Variants in LRP4 observed in about 807,000 individuals in gnomAD.
LRP4 encodes the protein low-density lipoprotein receptor-related protein 4.
LRP4 carries 95 observed loss-of-function variants against 220.3 expected under a neutral mutation model. The ratio of observed to expected loss-of-function variants is 0.43; its 90% CI spans 0.37 to 0.51. The LOEUF (loss-of-function observed/expected upper bound fraction) is 0.51. LRP4 is among the 20% of genes least tolerant of loss of function. The pLI is 0.00. For synonymous variants in LRP4, 903 were observed against 954.6 expected, an observed-to-expected ratio of 0.95 and a Z score of 1.00; for missense variants, 1,925 against 2,567.0, an observed-to-expected ratio of 0.75 and a Z score of 5.40.
At chr11:46,905,998 A>G (rs1453891059) in intron 1 of LRP4, among the ~76,000 whole-genome samples, 2 of 152,182 alleles carry the variant, frequency 1.3e-5, no homozygotes, top group African/African-American at 4.8e-5. Flanking sequence ...TCAGGATGAA[A>G]GCTGTGGAAA....
At chr11:46,892,910 AGGTAGCCT>A (rs1209911427) in intron 13 of LRP4, 55 bp downstream of exon 13, 2 of 1,583,286 alleles carry the variant, frequency 1.3e-6, no homozygotes, top group African/African-American at 1.3e-5. Flanking sequence ...TGTCTAGTCC[AGGTAGCCT>A]GGGAGCTGTC....
intron 7 of LRP4, among the ~76,000 whole-genome samples, chr11:46,897,334 C>CTTTTTTTTTTTTTTCTTTTTTTTTT (rs60604776): frequency 1.6e-5 from 2 of 128,104 alleles, no homozygotes; most frequent in Middle Eastern, 4.1e-3. Flanking sequence ...GCCTGTTTGT[C>CTTTTTTTTTTTTTTCTTTTTTTTTT]TTTTTTTTTT....
chr11:46,899,091 G>C lies in LRP4; in HGVS notation c.548-59C>G, dbSNP rs987344817. The C allele has an allele frequency of 2.3e-5, 35 of 1,523,644 alleles. No homozygotes were observed. Among genetic ancestry groups the C allele is most frequent in the Non-Finnish European group, 3.1e-5 (35 of 1,111,256 alleles). 94.4% of individuals were successfully genotyped at this position (1,523,644 alleles called of 1,614,324 possible). ...ACTCAGGCCTGGATGAAGGAGAGGG[G>C]CCCTGATTCCTCAAGCAGGCAGGAT... On this transcript the variant is annotated intron_variant, in intron 5 of 37. Coordinates refer to ENST00000378623, the MANE Select transcript of LRP4 (RefSeq NM_002334.4). The surrounding 1 kb of genome is among the most constrained non-coding windows in gnomAD (Gnocchi z 5.9).
At chr11:46,879,503 C>T (rs1352764301) in intron 20 of LRP4, among the ~76,000 whole-genome samples, 188 bp from the exon 21 acceptor site, 1 of 152,232 alleles carries the variant, frequency 6.6e-6, no homozygotes, top group African/African-American at 2.4e-5. Context: ...ATGCCTGGCT[C>T]TAAGGGTCGT....
In LRP4 at chr11:46,890,641, T is replaced by G. The variant is rs954840047; in HGVS notation, c.1698-147A>C. 2 of 656,382 alleles carry G rather than the reference T, an allele frequency of 3.0e-6. No individual in the cohort carries two copies. The highest frequency in any genetic ancestry group is 2.7e-6 in the Non-Finnish European group (1 of 368,118). The allele number at this position is 656,382 out of a possible 1,614,324, so 40.7% of individuals were successfully genotyped here. The stretch of plus-strand genomic sequence containing the variant: ...ATGAATTTTTTTTTTAGACGGGGTC[T>G]CATTTTGTCACCCAGGCTGGAGGGC... On this transcript the variant is annotated intron_variant, in intron 13 of 37. Transcript: ENST00000378623. The surrounding 1 kb of genome is among the most constrained non-coding windows in gnomAD (Gnocchi z 5.3).
At chr11:46,897,549 C>T (rs1462759611) in intron 7 of LRP4, among the ~76,000 whole-genome samples, 1 of 149,582 alleles carries the variant, frequency 6.7e-6, no homozygotes, top group Non-Finnish European at 1.5e-5. Flanking sequence ...TCCCTGGGTA[C>T]TTGAGATTAG....
At chr11:46,893,198 G>C in intron 12 of LRP4, 69 bp from the exon 13 acceptor site, 2 of 1,582,066 alleles carry the variant, frequency 1.3e-6, no homozygotes, top group South Asian at 2.2e-5. Flanking sequence ...AGTAATAGGA[G>C]CAAACTCTTA....
rs1355760049 is a variant in LRP4 at position 46,858,707 on chromosome 11, G to A, written c.*276C>T. ...GAGCTCTACGCTGGTGAGGAATCAC[G>A]AATAAGCAGTTTCAGGGGGCCCAGG... On this transcript the variant is annotated 3_prime_UTR_variant, in exon 38 of 38. Transcript: ENST00000378623. 37 of 480,392 alleles carry A rather than the reference G, an allele frequency of 7.7e-5. No individual in the cohort carries two copies. The highest frequency in any genetic ancestry group is 5.8e-4 in the South Asian group (29 of 49,678). The allele number at this position is 480,392 out of a possible 1,614,324, so 29.8% of individuals were successfully genotyped here. A position where few individuals can be genotyped will look rare whatever the true frequency, so the allele number is the denominator to read the frequency against.
chr11:46,897,348 CTTTTTATTTTTTT>C (rs1332699768), intron 7 of LRP4, among the ~76,000 whole-genome samples: 5 of 95,640 alleles, frequency 5.2e-5, no homozygotes, highest in African/African-American at 1.7e-4. Context: ...TTTTTTTTTT[CTTTTTATTTTTTT>C]ATTTTTATTT....
In LRP4 at chr11:46,886,149, C is replaced by T; in HGVS notation, c.2448G>A (p.Glu816=). The T allele has an allele frequency of 6.2e-7, 1 of 1,614,126 alleles. No homozygotes were observed. Among genetic ancestry groups the T allele is most frequent in the East Asian group, 2.2e-5 (1 of 44,888 alleles). The stretch of plus-strand genomic sequence containing the variant: ...AATCAATGGCCAGGCCAGCTGGGCT[C>T]TCCAAACTGGTATCCACTACCACCT... ...GQEVVVDTSL[E]SPAGLAIDWV... is the part of the protein sequence containing the mutation. The change falls in exon 18 of 38, where the codon GAG becomes GAA. Residue 816 remains glutamate (E), a synonymous_variant. Transcript: ENST00000378623.
At chr11:46,888,975 C>A (rs773173626) in intron 16 of LRP4, among the ~76,000 whole-genome samples, 1 of 152,208 alleles carries the variant, frequency 6.6e-6, no homozygotes, top group Non-Finnish European at 1.5e-5. Context: ...ACATATTTAT[C>A]CAGGACCCGC....
In LRP4 at chr11:46,890,098, G is replaced by A; in HGVS notation, c.1938C>T (p.Ile646=). 1 of 1,614,182 alleles carries A rather than the reference G, an allele frequency of 6.2e-7. No homozygotes were observed. The highest frequency in any genetic ancestry group is 8.5e-7 in the Non-Finnish European group (1 of 1,180,048). ...ISQGLPHPFA[I]TVFEDSLYWT... is the part of the protein sequence containing the mutation. The stretch of plus-strand genomic sequence containing the variant: ...AGTACAGGCTGTCTTCAAACACTGT[G>A]ATGGCGAAGGGATGCGGGAGGCCTG... The change falls in exon 15 of 38, where the codon ATC becomes ATT. Residue 646 remains isoleucine, a synonymous_variant. Transcript: ENST00000378623. The surrounding 1 kb of genome is among the most constrained non-coding windows in gnomAD (Gnocchi z 5.3).
Position 46,858,814 on chromosome 11 carries a change from T to C in LRP4, c.*169A>G. Reference sequence around the variant, plus strand: ...GCCATCATTTCTTGTGCACAGGTAGTTATGGACTCACGTGGTAAACAGCTC... The same window carrying C: ...GCCATCATTTCTTGTGCACAGGTAGCTATGGACTCACGTGGTAAACAGCTC... On this transcript the variant is annotated 3_prime_UTR_variant, in exon 38 of 38. Transcript: ENST00000378623. The C allele has an allele frequency of 1.4e-6, 1 of 692,654 alleles. No homozygotes were observed. The highest frequency in any genetic ancestry group is 2.6e-6 in the Non-Finnish European group (1 of 382,760). 42.9% of individuals were successfully genotyped at this position (692,654 alleles called of 1,614,324 possible). A position where few individuals can be genotyped will look rare whatever the true frequency, so the allele number is the denominator to read the frequency against.
rs775114362 is a variant in LRP4, at chr11:46,878,951, G to A, written c.3092C>T (p.Pro1031Leu). The change falls in exon 22 of 38, where the codon CCC (proline) becomes CTC (leucine). Residue 1031 changes from proline (P) to leucine (L), a missense_variant. Physicochemically the swap from Pro to Leu is moderately conservative, Grantham distance 98. Transcript: ENST00000378623. ...ATCAGACAGCAGGTTGATGCCTGTG[G>A]GGCAGGTACAGCTGAATCCGCTTGG... ...PNPSGFSCTC[P>L]TGINLLSDGK... The A allele has an allele frequency of 6.2e-7, 1 of 1,614,254 alleles. No homozygotes were observed. The highest frequency in any genetic ancestry group is 2.2e-5 in the East Asian group (1 of 44,888).
chr11:46,868,809 T>C, intron 32 of LRP4, 96 bp from the exon 33 acceptor site: 1 of 1,238,384 alleles, frequency 8.1e-7, no homozygotes, highest in South Asian at 1.2e-5. Flanking sequence ...ATTACCCTAC[T>C]CCCAGGGACA....
intron 19 of LRP4, among the ~76,000 whole-genome samples, chr11:46,882,697 A>C (rs976412549): frequency 4.6e-5 from 7 of 151,816 alleles, no homozygotes; most frequent in Non-Finnish European, 8.8e-5. Flanking sequence ...ACAAAAAAAA[A>C]CTGTAAAAAT....
chr11:46,882,964 T>C (rs1354766626), intron 19 of LRP4, among the ~76,000 whole-genome samples: 1 of 152,190 alleles, frequency 6.6e-6, no homozygotes, highest in East Asian at 1.9e-4. Context: ...AAGTATGCTA[T>C]TTTTGTAAAA....
At chr11:46,911,061 GA>G (rs879407979) in intron 1 of LRP4, among the ~76,000 whole-genome samples, 16 of 152,264 alleles carry the variant, frequency 1.1e-4, no homozygotes, top group Admixed American at 9.8e-4. Context: ...GAGCAATTAA[GA>G]AATGGATTAG....
chr11:46,898,028 C>T lies in LRP4; in HGVS notation c.796+530G>A, dbSNP rs1296464180. The stretch of plus-strand genomic sequence containing the variant: ...CTGACCCCCCAACCTCCCTCCCGGA[C>T]GGGGCGGCTGGCCGGGCGGGGGGCT... On this transcript the variant is annotated intron_variant, in intron 7 of 37. Transcript: ENST00000378623. 1.3e-4 allele frequency among the ~76,000 whole-genome samples: 19 copies of T among 145,674 alleles called. No homozygotes were observed. In the East Asian group the frequency reaches 1.9e-3, roughly 14 times the overall value.
Sources: gnomAD v4.1 joint callset for allele counts (sites outside exome capture counted in the v4.1 genomes callset) on GRCh38, gnomAD v4.1.1 for gene constraint, Gnocchi (gnomAD v3.1) non-coding constraint, MANE v1.5 for transcripts, NCBI Gene and HGNC (gene_info 2026-07-23, HGNC 2026-07-21) for gene names.